PSG8: variants seen among roughly 807,000 people sequenced by gnomAD.
PSG8 encodes the protein pregnancy specific beta-1-glycoprotein 8.
PSG8 carries 57 observed loss-of-function variants against 42.5 expected under a neutral mutation model. The observed-to-expected ratio is 1.34, with a 90% CI of 1.08 to 1.67. PSG8 has a LOEUF of 1.67. PSG8 is among the 40% of genes most tolerant of loss of function. PSG8 has a pLI of 0.00. For missense variants in PSG8, 783 were observed against 518.6 expected (o/e 1.51, Z -4.95); for synonymous variants, 280 against 196.8 (o/e 1.42, Z -3.54).
At position 42,759,552 on chromosome 19, in the gene PSG8, A is replaced by G. The variant is rs145765819; in HGVS notation, c.431-1272T>C. Among the ~76,000 whole-genome samples the G allele has an allele frequency of 8.0e-3, 1,225 of 152,280 alleles. 23 individuals carry two copies. The highest frequency in any genetic ancestry group is 0.028 in the African/African-American group (1,176 of 41,550). On this transcript the variant is annotated intron_variant, in intron 2 of 4. Transcript: ENST00000306511. Reference sequence around the variant, plus strand: ...CAAATCTGAAAAATTTAAAATGCACAATGCGCCAGTGAGCACTTCTTTTTA... The same window carrying G: ...CAAATCTGAAAAATTTAAAATGCACGATGCGCCAGTGAGCACTTCTTTTTA...
At position 42,758,286 on chromosome 19, in the gene PSG8, C is replaced by T. The variant is rs1969984404; in HGVS notation, c.431-6G>A. Reference sequence around the variant, plus strand: ...GGAGGGCTTGGGAGTCTCCACTGTGCAGAAAACAGAGAGAAGATTGCCCTG... The same window carrying T: ...GGAGGGCTTGGGAGTCTCCACTGTGTAGAAAACAGAGAGAAGATTGCCCTG... On this transcript the variant is annotated splice_region_variant and splice_polypyrimidine_tract_variant and intron_variant, in intron 2 of 4. Coordinates refer to ENST00000306511, the MANE Select transcript of PSG8 (RefSeq NM_182707.3). The T allele has an allele frequency of 6.2e-7, 1 of 1,612,470 alleles. No homozygotes were observed. Among genetic ancestry groups the T allele is most frequent in the Non-Finnish European group, 8.5e-7 (1 of 1,179,090 alleles).
chr19:42,759,710 G>T (rs148945655), intron 2 of PSG8, among the ~76,000 whole-genome samples: 2 of 152,080 alleles, frequency 1.3e-5, no homozygotes, highest in East Asian at 3.8e-4. Flanking sequence ...CTCATGTTAT[G>T]TTCTGACTCT....
At chr19:42,763,535 CT>C (rs1343381678) in intron 2 of PSG8, among the ~76,000 whole-genome samples, 1 of 152,150 alleles carries the variant, frequency 6.6e-6, no homozygotes, top group Non-Finnish European at 1.5e-5. Context: ...GGGGGTGAGG[CT>C]TCTAGGGCTG....
chr19:42,765,034 A>G (rs1970180470), intron 1 of PSG8, among the ~76,000 whole-genome samples: 1 of 150,042 alleles, frequency 6.7e-6, no homozygotes, highest in African/African-American at 2.5e-5. Flanking sequence ...AGAACACAAG[A>G]TTTTCCTACC....
Position 42,754,233 on chromosome 19 carries a change from G to A in PSG8, c.*62C>T. The A allele has an allele frequency of 6.3e-7, 1 of 1,589,878 alleles. No individual in the cohort carries two copies. The highest frequency in any genetic ancestry group is 1.2e-5 in the South Asian group (1 of 86,242). On this transcript the variant is annotated 3_prime_UTR_variant, in exon 5 of 5. Coordinates refer to ENST00000306511, the MANE Select transcript of PSG8 (RefSeq NM_182707.3). ...AATTTGGGATTTGCTTGTGCCCATG[G>A]GACGCAGGCTGGGAATAAAAATGTT... is the stretch of plus-strand genomic sequence containing the variant.
chr19:42,764,176 T>C lies in PSG8; in HGVS notation c.170A>G (p.Asn57Ser), dbSNP rs765140265. Residue 57 changes from asparagine (N) to serine (S), a missense_variant, in exon 2 of 5, where the codon AAT becomes AGT. By Grantham distance (46) the Asn-to-Ser change is conservative. Transcript: ENST00000306511. ...EGKDVLLLVH[N>S]LPQNLTGYIW... ...GTAGCCAGTAAGATTCTGGGGCAAATTGTGGACAAGTAGAAGAACATCCTT... is the reference window on the plus strand; with the variant it reads ...GTAGCCAGTAAGATTCTGGGGCAAACTGTGGACAAGTAGAAGAACATCCTT... 4.0e-5 allele frequency: 65 copies of C among 1,613,820 alleles called. No homozygotes were observed. In the East Asian group the frequency reaches 1.0e-3, roughly 25 times the overall value.
chr19:42,755,964 G>A (rs1462951419), intron 3 of PSG8: 3 of 154,062 alleles, frequency 1.9e-5, no homozygotes, highest in Non-Finnish European at 4.3e-5. Context: ...ACAGGCAAGA[G>A]CTGGTGGCTT....
chr19:42,764,227 G>T lies in PSG8; in HGVS notation c.119C>A (p.Ala40Asp). Residue 40 changes from alanine to aspartate, a missense_variant, in exon 2 of 5, where the codon GCC becomes GAC. By Grantham distance (126) the Ala-to-Asp change is moderately radical (BLOSUM62 -2). Coordinates refer to ENST00000306511, the MANE Select transcript of PSG8 (RefSeq NM_182707.3). Reference protein sequence around the residue: ...PPTTAQVTIEAQPTKVSEGKD... With the variant: ...PPTTAQVTIEDQPTKVSEGKD... Reference sequence around the variant, plus strand: ...CCCCTCAGAAACTTTGGTTGGCTGGGCTTCAATCGTGACTTGGGCAGTCGT... The same window carrying T: ...CCCCTCAGAAACTTTGGTTGGCTGGTCTTCAATCGTGACTTGGGCAGTCGT... 6.2e-7 allele frequency: 1 copy of T among 1,613,760 alleles called. No homozygotes were observed. Among genetic ancestry groups the T allele is most frequent in the African/African-American group, 1.3e-5 (1 of 74,972 alleles).
intron 4 of PSG8, 25 bp from the exon 5 acceptor site, chr19:42,754,612 A>T: frequency 6.2e-7 from 1 of 1,600,618 alleles, no homozygotes; most frequent in Non-Finnish European, 8.5e-7. Flanking sequence ...ATAAAGCCAC[A>T]GGTGATGTCA....
downstream of PSG8, chr19:42,753,855 A>T: frequency 2.1e-6 from 1 of 466,160 alleles, no homozygotes; most frequent in Non-Finnish European, 4.2e-6. Context: ...TATGTGTATT[A>T]CCATAAACAT....
intron 3 of PSG8, 49 bp from the exon 4 acceptor site, chr19:42,755,315 C>T (rs1969896369): frequency 6.3e-7 from 1 of 1,590,208 alleles, no homozygotes; most frequent in Non-Finnish European, 8.6e-7. Context: ...CCTTTGATTC[C>T]TCCACAGGCA....
intron 3 of PSG8, among the ~76,000 whole-genome samples, chr19:42,757,586 A>C (rs1033909758): frequency 3.2e-4 from 48 of 152,112 alleles, no homozygotes; most frequent in Admixed American, 3.1e-3. Flanking sequence ...TGGTGGGGGC[A>C]TCCAGGCCAT....
chr19:42,763,130 G>A (rs766125608), intron 2 of PSG8, among the ~76,000 whole-genome samples: 3 of 152,160 alleles, frequency 2.0e-5, no homozygotes, highest in Non-Finnish European at 4.4e-5. Flanking sequence ...CACACAAATA[G>A]CATTTATTAT....
chr19:42,764,073 A>G lies in PSG8; in HGVS notation c.273T>C (p.Tyr91=). 1.2e-6 allele frequency: 2 copies of G among 1,613,854 alleles called. No homozygotes were observed. Among genetic ancestry groups the G allele is most frequent in the Non-Finnish European group, 1.7e-6 (2 of 1,179,878 alleles). ...SYVVDGQIII[Y]GPAYSGRETI... is the part of the protein sequence containing the mutation. The stretch of plus-strand genomic sequence containing the variant: ...TTTCTCGTCCACTGTATGCAGGCCC[A>G]TATATAATTATTTGACCGTCTACTA... Residue 91 remains tyrosine (Y), a synonymous_variant, in exon 2 of 5, where the codon TAT becomes TAC. Transcript: ENST00000306511.
Position 42,762,160 on chromosome 19 carries a change from G to A in PSG8, c.430+1756C>T, listed in dbSNP as rs904405407. Among the ~76,000 whole-genome samples the A allele has an allele frequency of 2.0e-5, 3 of 151,730 alleles. No homozygotes were observed. The East Asian group carries it at 5.8e-4, about 29-fold the overall frequency. On this transcript the variant is annotated intron_variant, in intron 2 of 4. Coordinates refer to ENST00000306511, the MANE Select transcript of PSG8 (RefSeq NM_182707.3). Reference sequence around the variant, plus strand: ...GGGAGTGTCTGGGGAAGGCCTAGGGGTGGGGGAAGAAGCTGTGCAGGACAG... The same window carrying A: ...GGGAGTGTCTGGGGAAGGCCTAGGGATGGGGGAAGAAGCTGTGCAGGACAG...
Position 42,763,832 on chromosome 19 carries a change from A to C in PSG8, c.430+84T>G, listed in dbSNP as rs540460277. Reference sequence around the variant, plus strand: ...CATAATGCAGAGAGGGACACAGGCAATGTCCAGGCCTGACAATCCTGTGTG... The same window carrying C: ...CATAATGCAGAGAGGGACACAGGCACTGTCCAGGCCTGACAATCCTGTGTG... On this transcript the variant is annotated intron_variant, in intron 2 of 4. Transcript: ENST00000306511. The C allele has an allele frequency of 2.2e-4, 347 of 1,604,744 alleles. 2 individuals carry two copies. Among genetic ancestry groups the C allele is most frequent in the Middle Eastern group, 1.7e-3 (10 of 5,996 alleles).
At chr19:42,765,492 C>T (rs770649449) in intron 1 of PSG8, 26 bp downstream of exon 1, 26 of 1,608,556 alleles carry the variant, frequency 1.6e-5, no homozygotes, top group Non-Finnish European at 2.2e-5. Flanking sequence ...CTCCTCCTGT[C>T]CTCTCCCAGG....
At chr19:42,763,396 C>A (rs1167827229) in intron 2 of PSG8, among the ~76,000 whole-genome samples, 1 of 152,156 alleles carries the variant, frequency 6.6e-6, no homozygotes, top group Non-Finnish European at 1.5e-5. Context: ...GTGAACAGCT[C>A]CAGGAGACAC....
intron 2 of PSG8, among the ~76,000 whole-genome samples, chr19:42,762,966 G>A (rs1336960410): frequency 6.6e-6 from 1 of 152,102 alleles, no homozygotes; most frequent in Non-Finnish European, 1.5e-5. Flanking sequence ...GTGATTGTGT[G>A]ACTCTGGCTC....
Sources: allele counts gnomAD v4.1 joint callset (sites outside exome capture counted in the v4.1 genomes callset), GRCh38; gene constraint gnomAD v4.1.1; transcripts MANE v1.5; gene names NCBI Gene and HGNC (gene_info 2026-07-23, HGNC 2026-07-21).